The following IFT27 variants were observed in gnomAD, a reference collection of about 807,000 sequenced individuals.
IFT27 encodes the protein intraflagellar transport protein 27 homolog.
IFT27 carries 19 observed loss-of-function variants against 23.9 expected under a neutral mutation model. That is an observed-to-expected ratio of 0.79 (90% CI 0.55 to 1.16). The LOEUF (loss-of-function observed/expected upper bound fraction) is 1.16. IFT27 is among the 50% of genes most tolerant of loss of function. The pLI, the probability that IFT27 is intolerant of heterozygous loss-of-function variation, is 0.00. For synonymous variants in IFT27, 91 were observed against 89.1 expected, an observed-to-expected ratio of 1.02 and a Z score of -0.12; for missense variants, 206 against 228.7, an observed-to-expected ratio of 0.90 and a Z score of 0.64.
intron 5 of IFT27, 77 bp from the exon 6 acceptor site, chr22:36,763,090 A>G: frequency 2.9e-6 from 3 of 1,051,050 alleles, no homozygotes; most frequent in Non-Finnish European, 2.8e-6. Context: ...TGAGAGCACT[A>G]TTTTTGAGGG....
chr22:36,775,782 G>A lies in IFT27; in HGVS notation c.-75C>T. 1.3e-6 allele frequency: 2 copies of A among 1,492,024 alleles called. No homozygotes were observed. Among genetic ancestry groups the A allele is most frequent in the Non-Finnish European group, 1.9e-6 (2 of 1,069,388 alleles). The allele number at this position is 1,492,024 out of a possible 1,614,324, so 92.4% of individuals were successfully genotyped here. A position where few individuals can be genotyped will look rare whatever the true frequency, so the allele number is the denominator to read the frequency against. Reference sequence around the variant, plus strand: ...AGAGACGCGAGTGGGTGGGCTTCGGGCCCTGGGCTGGCCTGGGACGGGAAG... The same window carrying A: ...AGAGACGCGAGTGGGTGGGCTTCGGACCCTGGGCTGGCCTGGGACGGGAAG... On this transcript the variant is annotated 5_prime_UTR_variant, in exon 1 of 7. Coordinates refer to ENST00000433985, the MANE Select transcript of IFT27 (RefSeq NM_001177701.3).
intron 1 of IFT27, among the ~76,000 whole-genome samples, chr22:36,774,271 A>G (rs1938448984): frequency 1.3e-5 from 2 of 152,210 alleles, no homozygotes; most frequent in South Asian, 4.1e-4. Context: ...TAAAAATATT[A>G]TCATTTATTC....
chr22:36,773,132 G>C (rs1408299955), intron 1 of IFT27, among the ~76,000 whole-genome samples: 1 of 152,180 alleles, frequency 6.6e-6, no homozygotes, highest in East Asian at 1.9e-4. Context: ...GGCTGAGGCA[G>C]GTGGATCACT....
chr22:36,770,054 T>A (rs911723348), intron 1 of IFT27, among the ~76,000 whole-genome samples: 1 of 152,108 alleles, frequency 6.6e-6, no homozygotes, highest in African/African-American at 2.4e-5. Flanking sequence ...AAGCAAGGCG[T>A]CTGGGAAGCA....
chr22:36,773,057 A>G (rs1236238723), intron 1 of IFT27, among the ~76,000 whole-genome samples: 1 of 152,198 alleles, frequency 6.6e-6, no homozygotes, highest in Non-Finnish European at 1.5e-5. Flanking sequence ...AGTTGGGGGT[A>G]AAGAAGGGCA....
intron 1 of IFT27, among the ~76,000 whole-genome samples, chr22:36,773,581 G>A (rs977325108): frequency 2.6e-5 from 4 of 151,580 alleles, no homozygotes; most frequent in Non-Finnish European, 5.9e-5. Flanking sequence ...TTGAACCCAG[G>A]AGGTGGAGGT....
Position 36,776,003 on chromosome 22 carries a change from C to T in IFT27, c.-296G>A. ...AAGCGAGCGGACACGGCCTGTGCTCCCCGCCCAGCCCCTCAGCACAGCCCT... is the reference window on the plus strand; with the variant it reads ...AAGCGAGCGGACACGGCCTGTGCTCTCCGCCCAGCCCCTCAGCACAGCCCT... On this transcript the variant is annotated 5_prime_UTR_variant, in exon 1 of 7. Coordinates refer to ENST00000433985, the MANE Select transcript of IFT27 (RefSeq NM_001177701.3). 3.8e-6 allele frequency: 2 copies of T among 533,170 alleles called. No homozygotes were observed. The highest frequency in any genetic ancestry group is 3.3e-5 in the East Asian group (1 of 30,232). 33.0% of individuals were successfully genotyped at this position (533,170 alleles called of 1,614,324 possible).
chr22:36,766,570 T>C (rs1938254923), intron 3 of IFT27: 2 of 278,186 alleles, frequency 7.2e-6, no homozygotes, highest in Admixed American at 4.6e-5. Flanking sequence ...GTTAACCAAA[T>C]TGATTTTCAA....
chr22:36,765,482 T>C (rs1198082409), intron 4 of IFT27, among the ~76,000 whole-genome samples: 2 of 148,958 alleles, frequency 1.3e-5, no homozygotes, highest in Admixed American at 1.3e-4. Flanking sequence ...TTAGATCTAC[T>C]TCTCTTAGGC....
At chr22:36,770,485 A>G (rs1191455188) in intron 1 of IFT27, among the ~76,000 whole-genome samples, 1 of 151,946 alleles carries the variant, frequency 6.6e-6, no homozygotes, top group African/African-American at 2.4e-5. Flanking sequence ...TCTCCCTCCC[A>G]AGCTTTGTCT....
At chr22:36,763,266 T>A (rs1938146878) in intron 5 of IFT27, 1 of 399,092 alleles carries the variant, frequency 2.5e-6, no homozygotes. Context: ...CGTGTATCTG[T>A]CTCCCTTGCC....
At chr22:36,767,518 G>A (rs189283910) in intron 2 of IFT27, among the ~76,000 whole-genome samples, 153 bp from the exon 3 acceptor site, 19 of 152,334 alleles carry the variant, frequency 1.2e-4, no homozygotes, top group Admixed American at 1.0e-3. Context: ...TCAGCATGCA[G>A]AAGTCAGAGG....
At position 36,767,825 on chromosome 22, in the gene IFT27, G is replaced by A. The variant is rs1018609959; in HGVS notation, c.72C>T (p.Ile24=). Residue 24 remains isoleucine (I), a synonymous_variant, in exon 2 of 7, where the codon ATC becomes ATT. Coordinates refer to ENST00000433985, the MANE Select transcript of IFT27 (RefSeq NM_001177701.3). ...GGAAATGGGCTCCATCACTGCGGAA[G>A]ATCTGTGCCAGGGCGGTCTTGCCCA... The part of the protein sequence containing the change: ...PAVGKTALAQ[I]FRSDGAHFQK... 1 of 1,614,234 alleles carries A rather than the reference G, an allele frequency of 6.2e-7. No individual in the cohort carries two copies. The highest frequency in any genetic ancestry group is 1.3e-5 in the African/African-American group (1 of 75,062).
intron 4 of IFT27, among the ~76,000 whole-genome samples, chr22:36,765,223 C>G (rs1319933737): frequency 6.6e-6 from 1 of 152,216 alleles, no homozygotes; most frequent in African/African-American, 2.4e-5. Context: ...CTCCTTCTTC[C>G]AGGCTTCAGT....
At position 36,767,647 on chromosome 22, in the gene IFT27, C is replaced by A. The variant is rs931199398; in HGVS notation, c.114+136G>T. On this transcript the variant is annotated intron_variant, in intron 2 of 6. Transcript: ENST00000433985. ...TCTCACCCTGGGCTAGTGGAAAAAA[C>A]GATCTCCACGTGGCCCTCTGAGCAG... The A allele has an allele frequency of 8.4e-6, 7 of 831,964 alleles. No homozygotes were observed. In the Admixed American group the frequency reaches 1.0e-4, roughly 12 times the overall value. 51.5% of individuals were successfully genotyped at this position (831,964 alleles called of 1,614,324 possible).
chr22:36,775,773 G>A lies in IFT27; in HGVS notation c.-66C>T, dbSNP rs1459630699. 6.5e-7 allele frequency: 1 copy of A among 1,547,430 alleles called. No homozygotes were observed. The highest frequency in any genetic ancestry group is 8.9e-7 in the Non-Finnish European group (1 of 1,119,524). On this transcript the variant is annotated 5_prime_UTR_variant, in exon 1 of 7. Transcript: ENST00000433985. Reference sequence around the variant, plus strand: ...GCGGCTGCTAGAGACGCGAGTGGGTGGGCTTCGGGCCCTGGGCTGGCCTGG... The same window carrying A: ...GCGGCTGCTAGAGACGCGAGTGGGTAGGCTTCGGGCCCTGGGCTGGCCTGG...
At chr22:36,763,796 T>C (rs1938162552) in intron 5 of IFT27, 123 bp downstream of exon 5, 1 of 761,126 alleles carries the variant, frequency 1.3e-6, no homozygotes, top group East Asian at 2.6e-5. Flanking sequence ...GTGTACGCCT[T>C]AGGCCATCAA....
In IFT27 at chr22:36,758,362, C is replaced by T. The variant is rs145066542; in HGVS notation, c.510G>A (p.Gln170=). Residue 170 remains glutamine, a synonymous_variant, in exon 7 of 7, where the codon CAG becomes CAA. Coordinates refer to ENST00000433985, the MANE Select transcript of IFT27 (RefSeq NM_001177701.3). ...CCTTCTCCCGGTACAGCTGGTGGAA[C>T]TGCTTGGCAAGGCAGTGGAAAGGGG... ...FEAPFHCLAK[Q]FHQLYREKVE... The T allele has an allele frequency of 6.2e-6, 10 of 1,614,090 alleles. No individual in the cohort carries two copies. The African/African-American group carries it at 1.3e-4, about 22-fold the overall frequency.
At chr22:36,767,888 G>T in intron 1 of IFT27, 26 bp from the exon 2 acceptor site, 1 of 1,588,404 alleles carries the variant, frequency 6.3e-7, no homozygotes, top group Non-Finnish European at 8.6e-7. Context: ...AGAAGAAAAA[G>T]AACGCCTTAG....
Sources: gnomAD v4.1 joint callset for allele counts (sites outside exome capture counted in the v4.1 genomes callset) on GRCh38, gnomAD v4.1.1 for gene constraint, MANE v1.5 for transcripts, NCBI Gene and HGNC (gene_info 2026-07-23, HGNC 2026-07-21) for gene names.